The following FRRS1L variants were observed in gnomAD, a reference collection of about 807,000 sequenced individuals.
FRRS1L encodes the protein DOMON domain-containing protein FRRS1L.
A neutral mutation model predicts 28.6 loss-of-function variants in FRRS1L; 22 were observed. The ratio of observed to expected loss-of-function variants is 0.77; its 90% CI spans 0.55 to 1.10. The LOEUF (loss-of-function observed/expected upper bound fraction) is 1.10, where lower values mean the gene tolerates loss of function less well. Among genes scored for constraint, FRRS1L ranks in the 50% least tolerant of loss-of-function variants. The pLI is 0.00. For missense variants in FRRS1L, 380 were observed against 386.9 expected, an observed-to-expected ratio of 0.98 and a Z score of 0.15; for synonymous variants, 158 against 151.4, an observed-to-expected ratio of 1.04 and a Z score of -0.32.
At chr9:109,150,453 T>C (rs1406080318) in intron 1 of FRRS1L, 1 of 152,192 alleles carries the variant, frequency 6.6e-6, no homozygotes, top group East Asian at 1.9e-4. Context: ...TGACCTCAAG[T>C]GATCCACAGT....
intron 1 of FRRS1L, among the ~76,000 whole-genome samples, chr9:109,165,803 C>T (rs1831541171): frequency 6.6e-6 from 1 of 152,208 alleles, no homozygotes; most frequent in Non-Finnish European, 1.5e-5. Context: ...CTTCCTGCTT[C>T]ATTTTTCCCA....
chr9:109,149,619 C>T lies in FRRS1L; in HGVS notation c.323+17G>A. On this transcript the variant is annotated intron_variant, in intron 2 of 4. Transcript: ENST00000561981. ...CAGTCTTAGCCTTAAAGTTATCCAA[C>T]CTGCAGTTCCACCAACCTAAAGCAT... 4 of 1,560,254 alleles carry T rather than the reference C, an allele frequency of 2.6e-6. No homozygotes were observed. The highest frequency in any genetic ancestry group is 1.1e-5 in the South Asian group (1 of 89,798).
At chr9:109,162,348 C>G (rs994961175) in intron 1 of FRRS1L, among the ~76,000 whole-genome samples, 1 of 152,012 alleles carries the variant, frequency 6.6e-6, no homozygotes, top group Non-Finnish European at 1.5e-5. Flanking sequence ...TTCTACCTGT[C>G]CAATCCATTT....
At chr9:109,139,327 A>G (rs1452242649) in intron 4 of FRRS1L, 1 of 152,240 alleles carries the variant, frequency 6.6e-6, no homozygotes, top group African/African-American at 2.4e-5. Flanking sequence ...AGAAGTTTTG[A>G]GAGAGCTTAT....
intron 1 of FRRS1L, among the ~76,000 whole-genome samples, chr9:109,160,537 C>A (rs139013989): frequency 1.3e-5 from 2 of 151,986 alleles, no homozygotes; most frequent in Non-Finnish European, 2.9e-5. Flanking sequence ...CAGCTGTGTG[C>A]CACCATGACT....
At chr9:109,147,007 A>G in intron 3 of FRRS1L, 44 bp downstream of exon 3, 1 of 1,583,034 alleles carries the variant, frequency 6.3e-7, no homozygotes. Flanking sequence ...TAGCACAGCC[A>G]ACTAAAGAGA....
intron 3 of FRRS1L, among the ~76,000 whole-genome samples, chr9:109,142,727 C>T (rs1483208065): frequency 3.3e-5 from 5 of 151,768 alleles, no homozygotes; most frequent in African/African-American, 7.3e-5. Context: ...GTAGGAGGAT[C>T]GCTGGGGAGG....
At chr9:109,156,310 ATG>A (rs772228878) in intron 1 of FRRS1L, among the ~76,000 whole-genome samples, 34 of 152,250 alleles carry the variant, frequency 2.2e-4, no homozygotes, top group Admixed American at 7.8e-4. Flanking sequence ...TCATTTTCAC[ATG>A]TGTTTTCCAT....
At position 109,134,857 on chromosome 9, in the gene FRRS1L, C is replaced by T. The variant is rs1015133507; in HGVS notation, c.*2598G>A. 1 of 152,142 alleles carries T rather than the reference C, an allele frequency of 6.6e-6. No individual in the cohort carries two copies. Among genetic ancestry groups the T allele is most frequent in the East Asian group, 1.9e-4 (1 of 5,200 alleles). 9.4% of individuals were successfully genotyped at this position (152,142 alleles called of 1,614,324 possible). ...TTGCTTCTTATTTACAACATGGCTG[C>T]CTGCATATCAGTATCTTCACTACTA... On this transcript the variant is annotated 3_prime_UTR_variant, in exon 5 of 5. Transcript: ENST00000561981.
chr9:109,145,014 C>A (rs1488139703), intron 3 of FRRS1L, among the ~76,000 whole-genome samples: 2 of 152,138 alleles, frequency 1.3e-5, no homozygotes, highest in African/African-American at 4.8e-5. Context: ...TTGGTCTGAG[C>A]CGCCCTCCTC....
At chr9:109,147,245 G>T in intron 2 of FRRS1L, 56 bp from the exon 3 acceptor site, 2 of 1,411,820 alleles carry the variant, frequency 1.4e-6, no homozygotes, top group Non-Finnish European at 1.0e-6. Context: ...AAGACATTAA[G>T]AGAGCATCTA....
At chr9:109,147,481 C>A (rs1405689570) in intron 2 of FRRS1L, 6 of 313,150 alleles carry the variant, frequency 1.9e-5, no homozygotes, top group Non-Finnish European at 3.5e-5. Flanking sequence ...AAACTCCCAG[C>A]CAGTGTTCTC....
At chr9:109,156,895 A>C (rs369556701) in intron 1 of FRRS1L, among the ~76,000 whole-genome samples, 3 of 150,394 alleles carry the variant, frequency 2.0e-5, no homozygotes, top group Admixed American at 6.6e-5. Flanking sequence ...CTGCTCTCCA[A>C]CTCCCAGGCT....
intron 3 of FRRS1L, among the ~76,000 whole-genome samples, chr9:109,146,793 T>C (rs534145366): frequency 2.0e-5 from 3 of 152,306 alleles, no homozygotes; most frequent in East Asian, 1.9e-4. Context: ...ATAAGCCATA[T>C]AAGGCTTATA....
At chr9:109,161,994 C>T (rs2118512630) in intron 1 of FRRS1L, among the ~76,000 whole-genome samples, 1 of 152,290 alleles carries the variant, frequency 6.6e-6, no homozygotes, top group Admixed American at 6.5e-5. Context: ...CAGTTCCAAA[C>T]TCTTCCTCTC....
intron 3 of FRRS1L, among the ~76,000 whole-genome samples, chr9:109,144,194 C>T (rs142842442): frequency 6.6e-4 from 100 of 152,212 alleles, no homozygotes; most frequent in Non-Finnish European, 1.0e-3. Context: ...TGCAGTCTTA[C>T]CAGTGGTACC....
intron 2 of FRRS1L, chr9:109,147,917 C>G (rs1206995134): frequency 6.6e-6 from 1 of 152,052 alleles, no homozygotes; most frequent in Non-Finnish European, 1.5e-5. Flanking sequence ...AAATGAATAC[C>G]CCCATCTGGT....
chr9:109,150,885 T>C (rs1358319352), intron 1 of FRRS1L: 1 of 152,224 alleles, frequency 6.6e-6, no homozygotes, highest in Non-Finnish European at 1.5e-5. Context: ...GTCAAAGGAA[T>C]AAATAAAATC....
chr9:109,154,782 C>T (rs1383401338), intron 1 of FRRS1L, among the ~76,000 whole-genome samples: 2 of 152,164 alleles, frequency 1.3e-5, no homozygotes, highest in African/African-American at 4.8e-5. Context: ...CACTCTGACA[C>T]ATACGTCTTA....
Sources: gnomAD v4.1 joint callset for allele counts (sites outside exome capture counted in the v4.1 genomes callset) on GRCh38, gnomAD v4.1.1 for gene constraint, MANE v1.5 for transcripts, NCBI Gene and HGNC (gene_info 2026-07-23, HGNC 2026-07-21) for gene names.